FSD2: variants seen among roughly 807,000 people sequenced by gnomAD.
FSD2 encodes fibronectin type III and SPRY domain containing 2.
FSD2 carries 71 observed loss-of-function variants against 80.4 expected under a neutral mutation model. The ratio of observed to expected loss-of-function variants is 0.88; its 90% confidence interval spans 0.73 to 1.08. The LOEUF is 1.08. Ranked by LOEUF, FSD2 falls within the 50% of genes least tolerant of loss-of-function variation. The pLI, the probability that FSD2 is intolerant of heterozygous loss-of-function variation, is 0.00. For missense variants in FSD2, 923 were observed against 913.8 expected (o/e 1.01, Z -0.13); for synonymous variants, 361 against 329.5 (o/e 1.10, Z -1.03).
At chr15:82,763,841 C>T (rs1403583125) in intron 11 of FSD2, among the ~76,000 whole-genome samples, 1 of 152,198 alleles carries the variant, frequency 6.6e-6, no homozygotes, top group Non-Finnish European at 1.5e-5. Context: ...GTATACTGGA[C>T]TTTCTCCGAC....
intron 4 of FSD2, among the ~76,000 whole-genome samples, chr15:82,780,669 T>TA (rs1312795494): frequency 1.3e-5 from 2 of 151,788 alleles, no homozygotes; most frequent in African/African-American, 4.8e-5. Context: ...TTGTTATAAA[T>TA]AGATAGATAG....
intron 1 of FSD2, among the ~76,000 whole-genome samples, chr15:82,805,395 T>C (rs1323367285): frequency 6.6e-6 from 1 of 152,176 alleles, no homozygotes; most frequent in African/African-American, 2.4e-5. Context: ...GCCACAGCAG[T>C]GAAAGAAAGC....
Position 82,782,964 on chromosome 15 carries a change from A to C in FSD2, c.797T>G (p.Leu266Arg). ...TATTTTTTCCTCATATTTTTGAGCA[A>C]GTGTTTCCAAGATCTCGTTGTAATG... ...ESHYNEILET[L>R]AQKYEEKIQA... The change falls in exon 4 of 13, where the codon CTT becomes CGT. Residue 266 changes from leucine to arginine, a missense_variant. Transcript: ENST00000334574. 6.2e-7 allele frequency: 1 copy of C among 1,613,662 alleles called. No individual in the cohort carries two copies. The highest frequency in any genetic ancestry group is 1.1e-5 in the South Asian group (1 of 91,034).
chr15:82,794,970 C>T (rs577067515), intron 1 of FSD2, among the ~76,000 whole-genome samples: 9 of 152,198 alleles, frequency 5.9e-5, no homozygotes, highest in South Asian at 2.1e-4. Context: ...GTGATCTGCC[C>T]GCCTGGGCCT....
intron 6 of FSD2, among the ~76,000 whole-genome samples, chr15:82,774,713 T>C (rs1289323643): frequency 1.3e-5 from 2 of 151,734 alleles, no homozygotes; most frequent in African/African-American, 4.8e-5. Context: ...TACTTGTTTC[T>C]AAATCCTTTT....
At chr15:82,766,855 G>C (rs1219415437) in intron 9 of FSD2, among the ~76,000 whole-genome samples, 1 of 152,014 alleles carries the variant, frequency 6.6e-6, no homozygotes, top group Non-Finnish European at 1.5e-5. Context: ...ATAATCCAAT[G>C]TATTTAAATT....
chr15:82,783,329 C>A (rs544505625), intron 3 of FSD2, among the ~76,000 whole-genome samples: 4 of 152,244 alleles, frequency 2.6e-5, no homozygotes, highest in Admixed American at 1.3e-4. Context: ...GAACTCCTGA[C>A]CTCAAGTGAT....
chr15:82,805,619 A>G (rs2050509022), intron 1 of FSD2, among the ~76,000 whole-genome samples: 1 of 152,236 alleles, frequency 6.6e-6, no homozygotes, highest in African/African-American at 2.4e-5. Context: ...ACAATAGTAT[A>G]GCCAGATGAT....
intron 6 of FSD2, 140 bp downstream of exon 6, chr15:82,778,626 T>C: frequency 1.1e-6 from 1 of 915,134 alleles, no homozygotes; most frequent in East Asian, 2.7e-5. Context: ...TACAACACAG[T>C]ACCTGTATTT....
At chr15:82,785,367 C>T (rs1346200370) in intron 3 of FSD2, among the ~76,000 whole-genome samples, 2 of 151,206 alleles carry the variant, frequency 1.3e-5, no homozygotes, top group South Asian at 2.1e-4. Flanking sequence ...CTGTGTTGCC[C>T]AGGTTGGAGT....
intron 1 of FSD2, among the ~76,000 whole-genome samples, chr15:82,798,880 T>G (rs2050344658): frequency 1.4e-5 from 2 of 147,736 alleles, no homozygotes; most frequent in East Asian, 2.0e-4. Context: ...ACTGTTTTGT[T>G]TTTTTTTTTT....
At position 82,757,481 on chromosome 15, in the gene FSD2, G is replaced by T. The variant is rs971743050; in HGVS notation, c.*1867C>A. 2 of 147,670 alleles carry T rather than the reference G, an allele frequency of 1.4e-5. No individual in the cohort carries two copies. The highest frequency in any genetic ancestry group is 2.5e-5 in the African/African-American group (1 of 39,800). 9.1% of individuals were successfully genotyped at this position (147,670 alleles called of 1,614,324 possible). A position where few individuals can be genotyped will look rare whatever the true frequency, so the allele number is the denominator to read the frequency against. On this transcript the variant is annotated 3_prime_UTR_variant, in exon 13 of 13. Transcript: ENST00000334574. The stretch of plus-strand genomic sequence containing the variant: ...CGAGTAGCTGGGACTACAGGCGCCC[G>T]CCACCAGTCCCGGCTAATTTTTTTG...
chr15:82,796,000 CT>C (rs143711664), intron 1 of FSD2, among the ~76,000 whole-genome samples: 20,072 of 117,392 alleles, frequency 0.17, 2,055 homozygotes, highest in East Asian at 0.39. Flanking sequence ...TTTTTCTTTT[CT>C]TTTTTTTTTT....
intron 9 of FSD2, 33 bp downstream of exon 9, chr15:82,768,847 C>T: frequency 7.0e-7 from 1 of 1,435,804 alleles, no homozygotes; most frequent in Non-Finnish European, 9.2e-7. Context: ...GGTGTCAGGG[C>T]TCTCGTGCCC....
intron 6 of FSD2, among the ~76,000 whole-genome samples, chr15:82,775,945 A>G (rs1424454947): frequency 6.6e-6 from 1 of 151,946 alleles, no homozygotes; most frequent in Non-Finnish European, 1.5e-5. Context: ...GAATTTTCCA[A>G]TTTTTTCTTG....
chr15:82,787,559 A>C, intron 1 of FSD2, 91 bp from the exon 2 acceptor site: 1 of 585,746 alleles, frequency 1.7e-6, no homozygotes, highest in East Asian at 3.0e-5. Context: ...ATAAAACTTT[A>C]AAAAAATTAT....
rs1274485973 is a variant in FSD2, at chr15:82,759,515, A to G, written c.2083T>C (p.Tyr695His). The change falls in exon 13 of 13, where the codon TAT becomes CAT. Residue 695 changes from tyrosine to histidine, a missense_variant. Transcript: ENST00000334574. ...PPKKIGILLD[Y>H]EHSKLSFFNV... is the part of the protein sequence containing the mutation. ...AAAAATGACAACTTTGAATGTTCAT[A>G]GTCTAATAGAATGCCAATCTTCTTT... 1.2e-6 allele frequency: 2 copies of G among 1,611,420 alleles called. No homozygotes were observed. Among genetic ancestry groups the G allele is most frequent in the Admixed American group, 1.7e-5 (1 of 59,626 alleles).
At chr15:82,804,652 T>A (rs2050488117) in intron 1 of FSD2, among the ~76,000 whole-genome samples, 1 of 152,224 alleles carries the variant, frequency 6.6e-6, no homozygotes, top group East Asian at 1.9e-4. Flanking sequence ...GGATTCTGTA[T>A]GACCAATAAA....
At chr15:82,786,694 T>G in intron 2 of FSD2, 58 bp downstream of exon 2, 3 of 1,606,750 alleles carry the variant, frequency 1.9e-6, no homozygotes, top group Non-Finnish European at 2.6e-6. Flanking sequence ...TCCCTGCGTA[T>G]GTACTTGAGA....
Sources: allele counts gnomAD v4.1 joint callset (sites outside exome capture counted in the v4.1 genomes callset), GRCh38; gene constraint gnomAD v4.1.1; transcripts MANE v1.5; gene names NCBI Gene and HGNC (gene_info 2026-07-23, HGNC 2026-07-21).